Variants in PDC observed in about 807,000 individuals in gnomAD.
PDC encodes 33 kDa phototransducing protein.
Under a neutral mutation model 22.2 loss-of-function variants are expected in PDC, and 19 were observed. That is an observed-to-expected ratio of 0.86 (90% CI 0.60 to 1.26). The LOEUF (loss-of-function observed/expected upper bound fraction) is 1.26, where lower values mean the gene tolerates loss of function less well. PDC is among the 50% of genes most tolerant of loss of function. The pLI, the probability that PDC is intolerant of heterozygous loss-of-function variation, is 0.00. For missense variants in PDC, 274 were observed against 286.8 expected (o/e 0.96, Z 0.32); for synonymous variants, 97 against 96.2 (o/e 1.01, Z -0.05).
rs574801745 is a variant in PDC at position 186,444,684 on chromosome 1, A to T, written c.214-178T>A. 3.3e-5 allele frequency among the ~76,000 whole-genome samples: 5 copies of T among 151,984 alleles called. No homozygotes were observed. In the South Asian group the frequency reaches 8.3e-4, roughly 25 times the overall value. On this transcript the variant is annotated intron_variant, in intron 3 of 3. Coordinates refer to ENST00000391997, the MANE Select transcript of PDC (RefSeq NM_002597.5). The stretch of plus-strand genomic sequence containing the variant: ...TCATTGAAGCTTTTGTTTAAATGTC[A>T]CCTTCCTTGATTACTTTACCTAAAA...
At chr1:186,457,956 G>T (rs1662502055) in intron 1 of PDC, among the ~76,000 whole-genome samples, 1 of 152,072 alleles carries the variant, frequency 6.6e-6, no homozygotes, top group Non-Finnish European at 1.5e-5. Flanking sequence ...AGACACTATA[G>T]AACTGATGTA....
intron 1 of PDC, 111 bp from the exon 2 acceptor site, chr1:186,449,594 A>T (rs1319465926): frequency 2.0e-6 from 1 of 504,160 alleles, no homozygotes; most frequent in East Asian, 3.0e-5. Context: ...CTGCTGCCAG[A>T]TTCCATAAGT....
chr1:186,458,226 CTTTTTTTTTTT>C (rs1157926478), intron 1 of PDC, among the ~76,000 whole-genome samples: 4 of 88,414 alleles, frequency 4.5e-5, no homozygotes, highest in East Asian at 3.5e-4. Context: ...TACAGATATT[CTTTTTTTTTTT>C]TTTTTTTTTT....
rs532857809 is a variant in PDC, at chr1:186,455,888, C to T, written c.-25+5171G>A. Among the ~76,000 whole-genome samples, 339 of 135,416 alleles carry T rather than the reference C, an allele frequency of 2.5e-3. 3 individuals carry two copies. The highest frequency in any genetic ancestry group is 4.0e-3 in the Non-Finnish European group (259 of 65,380). The allele number at this position is 135,416 out of a possible 152,430, so 88.8% of individuals were successfully genotyped here. On this transcript the variant is annotated intron_variant, in intron 1 of 3. Transcript: ENST00000391997. The stretch of plus-strand genomic sequence containing the variant: ...TCGGGAGGCTGAGGCAGGAGAATGG[C>T]GTAGACCTGGGAGGCGGAGTTTGCA...
Position 186,444,424 on chromosome 1 carries a change from T to C in PDC, c.296A>G (p.Gln99Arg), listed in dbSNP as rs1416549946. 6.2e-7 allele frequency: 1 copy of C among 1,613,336 alleles called. No homozygotes were observed. Among genetic ancestry groups the C allele is most frequent in the Non-Finnish European group, 8.5e-7 (1 of 1,179,374 alleles). The change falls in exon 4 of 4, where the codon CAG becomes CGG. Residue 99 changes from glutamine to arginine, a missense_variant. Physicochemically the swap from Gln to Arg is conservative, Grantham distance 43. Transcript: ENST00000391997. ...AAAACTCAGCTTCTGGTGCATATCC[T>C]GCATACACTGTCTACGGTATTTACG... The part of the protein sequence containing the change: ...CLRKYRRQCM[Q>R]DMHQKLSFGP...
chr1:186,459,620 A>G (rs1662538828), intron 1 of PDC, among the ~76,000 whole-genome samples: 1 of 151,600 alleles, frequency 6.6e-6, no homozygotes, highest in Non-Finnish European at 1.5e-5. Context: ...CTTATATAAT[A>G]TCAAATCCAC....
chr1:186,451,109 C>T (rs554982599), intron 1 of PDC: 1 of 152,244 alleles, frequency 6.6e-6, no homozygotes, highest in African/African-American at 2.4e-5. Flanking sequence ...TTCTCTTTTG[C>T]CTTTACCTTT....
rs1662383570 is a variant in PDC at position 186,453,049 on chromosome 1, T to C, written c.-24-3566A>G. Among the ~76,000 whole-genome samples the C allele has an allele frequency of 1.3e-5, 2 of 152,198 alleles. 1 individual carries two copies. The highest frequency in any genetic ancestry group is 4.1e-4 in the South Asian group (2 of 4,836). ...ATTTTATCACCCTCTTCGAAAGTAA[T>C]AGTAAAAGCTAATATTGGTGAGAAA... On this transcript the variant is annotated intron_variant, in intron 1 of 3. Coordinates refer to ENST00000391997, the MANE Select transcript of PDC (RefSeq NM_002597.5).
At chr1:186,457,131 C>T (rs1039939024) in intron 1 of PDC, among the ~76,000 whole-genome samples, 1 of 152,174 alleles carries the variant, frequency 6.6e-6, no homozygotes, top group African/African-American at 2.4e-5. Flanking sequence ...CTAATCTGAT[C>T]AACTAAGCTA....
intron 1 of PDC, among the ~76,000 whole-genome samples, chr1:186,454,933 C>T (rs1027684551): frequency 2.0e-5 from 3 of 152,128 alleles, no homozygotes; most frequent in Non-Finnish European, 2.9e-5. Flanking sequence ...TGATCTAGCC[C>T]AAGTTTTGTA....
intron 1 of PDC, among the ~76,000 whole-genome samples, chr1:186,452,935 T>C (rs1662381913): frequency 6.6e-6 from 1 of 152,206 alleles, no homozygotes; most frequent in Non-Finnish European, 1.5e-5. Flanking sequence ...TTTTTTATTT[T>C]AAATAGTTAT....
intron 1 of PDC, among the ~76,000 whole-genome samples, chr1:186,449,965 T>C (rs906810327): frequency 6.6e-6 from 1 of 152,222 alleles, no homozygotes; most frequent in Non-Finnish European, 1.5e-5. Context: ...ACTCATTTAA[T>C]TCTCACATAG....
rs769146324 is a variant in PDC at position 186,444,253 on chromosome 1, G to T, written c.467C>A (p.Thr156Lys). 1.2e-6 allele frequency: 2 copies of T among 1,614,038 alleles called. No homozygotes were observed. Among genetic ancestry groups the T allele is most frequent in the Non-Finnish European group, 8.5e-7 (1 of 1,179,940 alleles). ...TATAGGGTATTCTGCTGCAAGGCAT[G>T]TTAAACTACTGTTTAGAGCATCACA... Reference protein sequence around the residue: ...KGCDALNSSLTCLAAEYPIVK... With the variant: ...KGCDALNSSLKCLAAEYPIVK... Residue 156 changes from threonine to lysine, a missense_variant, in exon 4 of 4, where the codon ACA becomes AAA. Transcript: ENST00000391997.
chr1:186,459,562 T>G (rs1662537808), intron 1 of PDC, among the ~76,000 whole-genome samples: 1 of 152,056 alleles, frequency 6.6e-6, no homozygotes, highest in Admixed American at 6.5e-5. Flanking sequence ...TTGTTTGAAT[T>G]CCATTACAGA....
At chr1:186,459,386 C>G (rs1662533479) in intron 1 of PDC, among the ~76,000 whole-genome samples, 1 of 152,144 alleles carries the variant, frequency 6.6e-6, no homozygotes, top group African/African-American at 2.4e-5. Context: ...GTCTCCAGCC[C>G]CTAACCGCGA....
chr1:186,444,837 A>C (rs989633217), intron 3 of PDC, among the ~76,000 whole-genome samples: 4 of 152,164 alleles, frequency 2.6e-5, no homozygotes, highest in African/African-American at 9.7e-5. Flanking sequence ...AGCTTTTCCT[A>C]CTATTTGGAG....
Position 186,446,296 on chromosome 1 carries a change from A to AT in PDC, c.213+129dup, listed in dbSNP as rs549135407. ...CACAATAGGTGTTCACTTCATTTCC[A>AT]TTTTTTTTTGCCAGCGTAAGCAATA... On this transcript the variant is annotated intron_variant, in intron 3 of 3. Transcript: ENST00000391997. 785 of 582,422 alleles carry AT rather than the reference A, an allele frequency of 1.3e-3. 2 individuals are homozygous for AT. Among genetic ancestry groups the AT allele is most frequent in the East Asian group, 2.7e-3 (83 of 31,146 alleles). The allele number at this position is 582,422 out of a possible 1,614,324, so 36.1% of individuals were successfully genotyped here. A position where few individuals can be genotyped will look rare whatever the true frequency, so the allele number is the denominator to read the frequency against.
At chr1:186,446,640 T>C in intron 2 of PDC, 63 bp from the exon 3 acceptor site, 1 of 980,106 alleles carries the variant, frequency 1.0e-6, no homozygotes, top group Non-Finnish European at 1.5e-6. Flanking sequence ...TTGGCATAAT[T>C]GAAATTTGTG....
At chr1:186,448,179 G>C (rs953993848) in intron 2 of PDC, among the ~76,000 whole-genome samples, 5 of 152,054 alleles carry the variant, frequency 3.3e-5, no homozygotes. Context: ...AAAATTCCCT[G>C]GTCAAAGGGC....
Sources: allele counts gnomAD v4.1 joint callset (sites outside exome capture counted in the v4.1 genomes callset), GRCh38; gene constraint gnomAD v4.1.1; transcripts MANE v1.5; gene names NCBI Gene and HGNC (gene_info 2026-07-23, HGNC 2026-07-21).